Variants in PLCH1 observed in about 807,000 individuals in gnomAD.
The protein encoded by PLCH1 is phospholipase C eta 1, also known as 1-phosphatidylinositol 4,5-bisphosphate phosphodiesterase eta-1.
In PLCH1, 60 loss-of-function variants were observed where a neutral mutation model predicts 126.7. The observed-to-expected ratio is 0.47, with a 90% CI of 0.38 to 0.59. PLCH1 has a LOEUF of 0.59. PLCH1 is among the 20% of genes least tolerant of loss of function. The pLI, the probability that PLCH1 is intolerant of heterozygous loss-of-function variation, is 0.00. For missense variants in PLCH1, 1,723 were observed against 2,040.0 expected (o/e 0.84, Z 2.99); for synonymous variants, 719 against 734.9 (o/e 0.98, Z 0.35).
chr3:155,706,410 A>G (rs1028687093), intron 1 of PLCH1, among the ~76,000 whole-genome samples: 19 of 151,698 alleles, frequency 1.3e-4, no homozygotes, highest in Admixed American at 1.2e-3. Context: ...TCACGAGGTC[A>G]GGAGTTCCAG....
At chr3:155,453,615 A>C (rs191321325) in intron 21 of PLCH1, among the ~76,000 whole-genome samples, 10 of 152,216 alleles carry the variant, frequency 6.6e-5, no homozygotes, top group Admixed American at 6.5e-4. Flanking sequence ...TTCAGAATAA[A>C]GAACTGATTA....
At chr3:155,499,253 T>C (rs1717538376) in intron 14 of PLCH1, among the ~76,000 whole-genome samples, 2 of 152,272 alleles carry the variant, frequency 1.3e-5, no homozygotes, top group South Asian at 2.1e-4. Context: ...TGTTCCCCTA[T>C]AGGAGAAAAG....
intron 21 of PLCH1, among the ~76,000 whole-genome samples, chr3:155,468,237 C>T (rs571925335): frequency 1.3e-5 from 2 of 151,972 alleles, no homozygotes; most frequent in South Asian, 4.2e-4. Context: ...AACCTCAAAG[C>T]AAAAGACATA....
intron 11 of PLCH1, among the ~76,000 whole-genome samples, chr3:155,519,542 T>C (rs902306062): frequency 1.3e-5 from 2 of 151,934 alleles, no homozygotes; most frequent in African/African-American, 4.8e-5. Flanking sequence ...GGGGAGAAAT[T>C]GGGTGCTGCT....
chr3:155,740,654 T>C (rs1181964380), intron 1 of PLCH1, among the ~76,000 whole-genome samples: 2 of 152,092 alleles, frequency 1.3e-5, no homozygotes, highest in African/African-American at 4.8e-5. Context: ...AGTTCAAAAC[T>C]ACCCTGAGCA....
At chr3:155,459,039 C>T (rs185575472) in intron 21 of PLCH1, among the ~76,000 whole-genome samples, 45 of 152,272 alleles carry the variant, frequency 3.0e-4, no homozygotes, top group Admixed American at 2.0e-3. Flanking sequence ...GTAATAACAA[C>T]GGGCAAGCTG....
intron 2 of PLCH1, among the ~76,000 whole-genome samples, chr3:155,700,496 AAT>A (rs1559947349): frequency 6.6e-6 from 1 of 152,206 alleles, no homozygotes; most frequent in Admixed American, 6.5e-5. Flanking sequence ...GTTATTCCGA[AAT>A]ATTCATTTAA....
intron 10 of PLCH1, among the ~76,000 whole-genome samples, chr3:155,531,317 T>C (rs1228636127): frequency 6.6e-6 from 1 of 152,222 alleles, no homozygotes; most frequent in African/African-American, 2.4e-5. Context: ...AAGGCTGTTT[T>C]GTTTACATTG....
chr3:155,694,730 C>T (rs1745667689), intron 2 of PLCH1, among the ~76,000 whole-genome samples: 1 of 152,182 alleles, frequency 6.6e-6, no homozygotes, highest in Non-Finnish European at 1.5e-5. Context: ...GAGGTGTTTA[C>T]TTCTCAGAGT....
At chr3:155,642,063 C>T (rs1739461475) in intron 2 of PLCH1, among the ~76,000 whole-genome samples, 1 of 152,100 alleles carries the variant, frequency 6.6e-6, no homozygotes, top group South Asian at 2.1e-4. Flanking sequence ...TTAATAGGTA[C>T]TCACAATGCA....
chr3:155,660,131 AT>A (rs1214387022), intron 2 of PLCH1, among the ~76,000 whole-genome samples: 1 of 152,196 alleles, frequency 6.6e-6, no homozygotes, highest in African/African-American at 2.4e-5. Flanking sequence ...CCATACCTGA[AT>A]TATGAACGTG....
chr3:155,458,847 T>G (rs1445391630), intron 21 of PLCH1, among the ~76,000 whole-genome samples: 1 of 152,246 alleles, frequency 6.6e-6, no homozygotes, highest in Non-Finnish European at 1.5e-5. Context: ...CATGGTTACC[T>G]TGGTATTATA....
chr3:155,729,261 A>T (rs377407466), intron 1 of PLCH1, among the ~76,000 whole-genome samples: 3 of 152,184 alleles, frequency 2.0e-5, no homozygotes, highest in East Asian at 3.8e-4. Context: ...TCCAATTTTC[A>T]TCTTTGCCTG....
At chr3:155,525,074 C>T (rs1354610688) in intron 10 of PLCH1, among the ~76,000 whole-genome samples, 2 of 152,188 alleles carry the variant, frequency 1.3e-5, no homozygotes, top group East Asian at 3.9e-4. Context: ...AATCCCAACA[C>T]TCCAGGAGGC....
intron 2 of PLCH1, among the ~76,000 whole-genome samples, chr3:155,672,180 G>T (rs1351867120): frequency 6.6e-6 from 1 of 152,072 alleles, no homozygotes; most frequent in South Asian, 2.1e-4. Context: ...TCTTAAAGTT[G>T]GCAGTTCTCC....
intron 10 of PLCH1, among the ~76,000 whole-genome samples, chr3:155,543,041 T>C (rs888052006): frequency 2.6e-5 from 4 of 152,188 alleles, no homozygotes; most frequent in African/African-American, 9.7e-5. Context: ...GGATGGACAA[T>C]GACTTTGCCG....
intron 12 of PLCH1, among the ~76,000 whole-genome samples, chr3:155,513,105 A>G (rs1719818839): frequency 6.6e-6 from 1 of 152,212 alleles, no homozygotes; most frequent in Admixed American, 6.5e-5. Context: ...GAAAAGTAGA[A>G]GCTGGAGTGA....
chr3:155,605,228 C>T (rs1038444700), intron 2 of PLCH1, among the ~76,000 whole-genome samples: 5 of 152,096 alleles, frequency 3.3e-5, no homozygotes, highest in African/African-American at 1.2e-4. Flanking sequence ...TGAAAGGAGT[C>T]AACACACTCT....
chr3:155,695,312 G>A (rs1745712916), intron 2 of PLCH1, among the ~76,000 whole-genome samples: 3 of 152,114 alleles, frequency 2.0e-5, no homozygotes, highest in African/African-American at 7.2e-5. Context: ...AGGCACACTT[G>A]GATTCTCATT....
Sources: allele counts gnomAD v4.1 joint callset (sites outside exome capture counted in the v4.1 genomes callset), GRCh38; gene constraint gnomAD v4.1.1; transcripts MANE v1.5; gene names NCBI Gene and HGNC (gene_info 2026-07-23, HGNC 2026-07-21).